The following DYNC1H1 variants were observed in gnomAD, a reference collection of about 807,000 sequenced individuals.
The protein encoded by DYNC1H1 is cytoplasmic dynein 1 heavy chain 1.
Under a neutral mutation model 527.1 loss-of-function variants are expected in DYNC1H1, and 51 were observed. The ratio of observed to expected loss-of-function variants is 0.10; its 90% CI spans 0.08 to 0.12. The LOEUF is 0.12. DYNC1H1 is among the 10% of genes least tolerant of loss of function. The pLI is 1.00. For synonymous variants in DYNC1H1, 2,189 were observed against 2,278.8 expected (o/e 0.96, Z 1.12); for missense variants, 2,771 against 5,971.8 (o/e 0.46, Z 17.66).
chr14:102,016,649 A>C lies in DYNC1H1; in HGVS notation c.7615-117A>C. The C allele has an allele frequency of 1.9e-6, 3 of 1,540,554 alleles. No homozygotes were observed. Among genetic ancestry groups the C allele is most frequent in the Non-Finnish European group, 2.7e-6 (3 of 1,127,232 alleles). ...TTCCATGTGTTAGCAAAGAGTGCAG[A>C]TTAACCTGACCAATTACTTCCTTGT... On this transcript the variant is annotated intron_variant, in intron 37 of 77. Transcript: ENST00000360184. This position sits in a 1 kb window ranked among gnomAD's most constrained non-coding sequence, Gnocchi z 7.3.
In DYNC1H1 at chr14:102,041,511, C is replaced by T; in HGVS notation, c.11942-63C>T. Reference sequence around the variant, plus strand: ...GGTACTTTGGGAAGAACAGTCCAGGCAGGGGAGGGCGTCTCTGAGTCCATG... The same window carrying T: ...GGTACTTTGGGAAGAACAGTCCAGGTAGGGGAGGGCGTCTCTGAGTCCATG... On this transcript the variant is annotated intron_variant, in intron 64 of 77. Transcript: ENST00000360184. The surrounding 1 kb of genome is among the most constrained non-coding windows in gnomAD (Gnocchi z 4.5). The T allele has an allele frequency of 6.2e-7, 1 of 1,610,276 alleles. No individual in the cohort carries two copies. The highest frequency in any genetic ancestry group is 8.5e-7 in the Non-Finnish European group (1 of 1,178,204).
Position 102,041,981 on chromosome 14 carries a change from A to T in DYNC1H1, c.12103-32A>T. 6.2e-7 allele frequency: 1 copy of T among 1,606,982 alleles called. No homozygotes were observed. The highest frequency in any genetic ancestry group is 8.5e-7 in the Non-Finnish European group (1 of 1,173,664). On this transcript the variant is annotated intron_variant, in intron 65 of 77. Transcript: ENST00000360184. The surrounding 1 kb of genome is among the most constrained non-coding windows in gnomAD (Gnocchi z 4.5). ...TGACAGGTACACACTATTTGCTGGC[A>T]CTGTAATAACTTCTGCCTTCTTTGT...
intron 11 of DYNC1H1, among the ~76,000 whole-genome samples, chr14:101,992,248 T>G (rs1477326922): frequency 1.3e-5 from 2 of 152,232 alleles, no homozygotes; most frequent in Non-Finnish European, 2.9e-5. Flanking sequence ...CAGAATTTAG[T>G]GATAAGACAT....
At chr14:102,046,217 T>A (rs907634425) in intron 72 of DYNC1H1, among the ~76,000 whole-genome samples, 1 of 150,718 alleles carries the variant, frequency 6.6e-6, no homozygotes, top group Non-Finnish European at 1.5e-5. Context: ...CCAGGCGCAC[T>A]CTATCAGGAC....
At chr14:101,968,882 A>T (rs1411094984) in intron 1 of DYNC1H1, among the ~76,000 whole-genome samples, 2 of 152,120 alleles carry the variant, frequency 1.3e-5, no homozygotes, top group Non-Finnish European at 2.9e-5. Context: ...ATTCTAAAGG[A>T]TGAAGAAATG....
At chr14:102,026,886 A>G in intron 44 of DYNC1H1, 179 bp downstream of exon 44, 1 of 970,972 alleles carries the variant, frequency 1.0e-6, no homozygotes, top group Non-Finnish European at 1.6e-6. Context: ...GTTTATCCTA[A>G]GCAGAACTTC....
chr14:102,034,498 G>C, intron 56 of DYNC1H1, 46 bp downstream of exon 56: 2 of 1,611,600 alleles, frequency 1.2e-6, no homozygotes. Context: ...AATGTGGGTG[G>C]TGATCTTGAA....
chr14:102,039,986 G>A lies in DYNC1H1; in HGVS notation c.11691-250G>A, dbSNP rs1327647854. On this transcript the variant is annotated intron_variant, in intron 62 of 77. Transcript: ENST00000360184. The surrounding 1 kb of genome is among the most constrained non-coding windows in gnomAD (Gnocchi z 7.0). ...CGAAGTAGCTAGGACTATAGGCGCA[G>A]GCCACCACATCTGGCTAATTTTTTT... is the stretch of plus-strand genomic sequence containing the variant. 6.6e-6 allele frequency among the ~76,000 whole-genome samples: 1 copy of A among 152,116 alleles called. No homozygotes were observed. Among genetic ancestry groups the A allele is most frequent in the East Asian group, 1.9e-4 (1 of 5,196 alleles).
In DYNC1H1 at chr14:102,042,730, C is replaced by T. The variant is rs778319883; in HGVS notation, c.12495C>T (p.Pro4165=). 16 of 1,614,054 alleles carry T rather than the reference C, an allele frequency of 9.9e-6. No individual in the cohort carries two copies. In the Middle Eastern group the frequency reaches 6.6e-4, roughly 66 times the overall value. The change falls in exon 69 of 78, where the codon CCC becomes CCT. Residue 4165 remains proline (P), a synonymous_variant. Transcript: ENST00000360184. This position sits in a 1 kb window ranked among gnomAD's most constrained non-coding sequence, Gnocchi z 5.7. ...ANMLRTFSSI[P]VSRICKSPNE... is the part of the protein sequence containing the mutation. ...TGCTGAGGACGTTCAGCAGCATTCC[C>T]GTCTCACGGATATGCAAGGTAAGTA...
chr14:101,975,867 C>A, intron 2 of DYNC1H1, 68 bp downstream of exon 2: 10 of 1,205,210 alleles, frequency 8.3e-6, no homozygotes, highest in South Asian at 1.3e-5. Flanking sequence ...AATCTTTTTT[C>A]TTTTCAAACT....
At chr14:102,004,438 C>T (rs2048173640) in intron 23 of DYNC1H1, 80 bp from the exon 24 acceptor site, 1 of 1,469,518 alleles carries the variant, frequency 6.8e-7, no homozygotes. Context: ...CTTTCCCTTC[C>T]TGCAGTTTGA....
At chr14:102,043,742 A>G in intron 69 of DYNC1H1, 133 bp from the exon 70 acceptor site, 4 of 1,200,606 alleles carry the variant, frequency 3.3e-6, no homozygotes, top group Admixed American at 1.9e-5. Context: ...TAGCAGCAGT[A>G]CTCATGTGAA....
rs530825694 is a variant in DYNC1H1 at position 102,018,994 on chromosome 14, A to G, written c.8343+378A>G. ...TTGAAATAAAGATTGGACTTTATTC[A>G]GAGATGTTATTGAGCCGAGAGACTT... On this transcript the variant is annotated intron_variant, in intron 41 of 77. Transcript: ENST00000360184. This position sits in a 1 kb window ranked among gnomAD's most constrained non-coding sequence, Gnocchi z 5.2. Among the ~76,000 whole-genome samples the G allele has an allele frequency of 6.6e-6, 1 of 152,332 alleles. No individual in the cohort carries two copies. Among genetic ancestry groups the G allele is most frequent in the East Asian group, 1.9e-4 (1 of 5,186 alleles).
In DYNC1H1 at chr14:102,011,063, G is replaced by A; in HGVS notation, c.6618+111G>A. The stretch of plus-strand genomic sequence containing the variant: ...GAAACTGTCCACAAAGGCTGTGGAG[G>A]TGCATAATATGCTTTATGAAGATTT... On this transcript the variant is annotated intron_variant, in intron 32 of 77. Transcript: ENST00000360184. This position sits in a 1 kb window ranked among gnomAD's most constrained non-coding sequence, Gnocchi z 5.3. The A allele has an allele frequency of 8.7e-7, 1 of 1,151,252 alleles. No homozygotes were observed. Among genetic ancestry groups the A allele is most frequent in the Non-Finnish European group, 1.3e-6 (1 of 765,406 alleles). 71.3% of individuals were successfully genotyped at this position (1,151,252 alleles called of 1,614,324 possible).
In DYNC1H1 at chr14:101,997,112, C is replaced by T. The variant is rs778273904; in HGVS notation, c.3642C>T (p.Ile1214=). ...FPPSWLYIDN[I]EGEWGAFNDI... is the part of the protein sequence containing the mutation. ...CTTCCTGGCTTTATATTGACAACAT[C>T]GAGGGAGAGTGGGGAGCCTTCAATG... The change falls in exon 16 of 78, where the codon ATC becomes ATT. Residue 1214 remains isoleucine, a synonymous_variant. Coordinates refer to ENST00000360184, the MANE Select transcript of DYNC1H1 (RefSeq NM_001376.5). The surrounding 1 kb of genome is among the most constrained non-coding windows in gnomAD (Gnocchi z 4.8). The T allele has an allele frequency of 8.1e-6, 13 of 1,614,144 alleles. No individual in the cohort carries two copies. The South Asian group carries it at 1.1e-4, about 14-fold the overall frequency.
In DYNC1H1 at chr14:102,015,271, C is replaced by G. The variant is rs765368725; in HGVS notation, c.7181C>G (p.Ala2394Gly). ...CCGCTGGATGAAGGGGAGGATGAGG[C>G]ACAGCGGCGGCGTAAGGGCAAAGAG... ...SIPLDEGEDE[A>G]QRRRKGKEDE... Residue 2394 changes from alanine to glycine, a missense_variant, in exon 35 of 78, where the codon GCA (alanine) becomes GGA (glycine). Transcript: ENST00000360184. This position sits in a 1 kb window ranked among gnomAD's most constrained non-coding sequence, Gnocchi z 6.9. The G allele has an allele frequency of 6.2e-7, 1 of 1,614,204 alleles. No individual in the cohort carries two copies. The highest frequency in any genetic ancestry group is 8.5e-7 in the Non-Finnish European group (1 of 1,180,052).
intron 2 of DYNC1H1, among the ~76,000 whole-genome samples, chr14:101,976,402 C>T (rs1376681965): frequency 6.6e-6 from 1 of 151,206 alleles, no homozygotes; most frequent in East Asian, 2.0e-4. Flanking sequence ...ATTAGCCAGG[C>T]GTGGTGGTGC....
intron 56 of DYNC1H1, chr14:102,035,346 T>A (rs2048561706): frequency 6.6e-6 from 1 of 152,276 alleles, no homozygotes; most frequent in Non-Finnish European, 1.5e-5. Flanking sequence ...ACTACCTGTT[T>A]TTCTGCTTAG....
Position 102,042,414 on chromosome 14 carries a change from C to G in DYNC1H1, c.12306C>G (p.Ala4102=). The G allele has an allele frequency of 1.2e-6, 2 of 1,614,100 alleles. No homozygotes were observed. The highest frequency in any genetic ancestry group is 1.7e-6 in the Non-Finnish European group (2 of 1,180,026). Residue 4102 remains alanine, a synonymous_variant, in exon 68 of 78, where the codon GCC becomes GCG. Transcript: ENST00000360184. The surrounding 1 kb of genome is among the most constrained non-coding windows in gnomAD (Gnocchi z 5.7). The part of the protein sequence containing the change: ...RWVMLKNVHL[A]PGWLMQLEKK... ...TGATGCTGAAGAATGTGCATCTGGC[C>G]CCAGGGTGGCTGATGCAGCTGGAGA...
Sources: allele counts gnomAD v4.1 joint callset (sites outside exome capture counted in the v4.1 genomes callset), GRCh38; gene constraint gnomAD v4.1.1; non-coding constraint Gnocchi (gnomAD v3.1); transcripts MANE v1.5; gene names NCBI Gene and HGNC (gene_info 2026-07-23, HGNC 2026-07-21).